Variants in ARRB1 observed in about 807,000 individuals in gnomAD.
ARRB1 encodes beta-arrestin-1.
Under a neutral mutation model 56.8 loss-of-function variants are expected in ARRB1, and 21 were observed. The observed-to-expected ratio is 0.37, with a 90% CI of 0.26 to 0.53. The LOEUF (loss-of-function observed/expected upper bound fraction) is 0.53, where lower values mean the gene tolerates loss of function less well. Ranked by LOEUF, ARRB1 falls within the 20% of genes least tolerant of loss-of-function variation. The pLI, the probability that ARRB1 is intolerant of heterozygous loss-of-function variation, is 0.88. For missense variants in ARRB1, 424 were observed against 553.7 expected (o/e 0.77, Z 2.35); for synonymous variants, 210 against 218.6 (o/e 0.96, Z 0.35).
intron 1 of ARRB1, among the ~76,000 whole-genome samples, chr11:75,348,809 C>T (rs1278228058): frequency 3.3e-5 from 5 of 152,052 alleles, no homozygotes; most frequent in Non-Finnish European, 5.9e-5. Flanking sequence ...AGACTGGTCT[C>T]GAACTCCTGA....
chr11:75,290,093 A>T, intron 1 of ARRB1, 54 bp from the exon 2 acceptor site: 1 of 1,611,622 alleles, frequency 6.2e-7, no homozygotes, highest in Non-Finnish European at 8.5e-7. Context: ...CCCAGGGGCA[A>T]GCTCCTGCGG....
chr11:75,349,849 G>A (rs1947820781), intron 1 of ARRB1, among the ~76,000 whole-genome samples: 2 of 152,208 alleles, frequency 1.3e-5, no homozygotes, highest in Non-Finnish European at 2.9e-5. Flanking sequence ...CCCAAAGCCT[G>A]GGCCTCCAGC....
intron 1 of ARRB1, among the ~76,000 whole-genome samples, chr11:75,335,709 T>C (rs546218843): frequency 6.6e-6 from 1 of 152,284 alleles, no homozygotes; most frequent in South Asian, 2.1e-4. Flanking sequence ...AAGAGGAGCC[T>C]TCCATGCCTG....
chr11:75,264,791 T>C lies in ARRB1; in HGVS notation c.*1372A>G, dbSNP rs1416951723. On this transcript the variant is annotated 3_prime_UTR_variant, in exon 16 of 16. Coordinates refer to ENST00000420843, the MANE Select transcript of ARRB1 (RefSeq NM_004041.5). ...CCAAGTGAGAAACTGAGGCCCAGAG[T>C]GGGGAAGGAACTTGCCCAAAGTCAC... 3 of 152,120 alleles carry C rather than the reference T, an allele frequency of 2.0e-5. No individual in the cohort carries two copies. The highest frequency in any genetic ancestry group is 4.4e-5 in the Non-Finnish European group (3 of 68,068). 9.4% of individuals were successfully genotyped at this position (152,120 alleles called of 1,614,324 possible). A position where few individuals can be genotyped will look rare whatever the true frequency, so the allele number is the denominator to read the frequency against.
chr11:75,309,328 C>T (rs532564478), intron 1 of ARRB1, among the ~76,000 whole-genome samples: 1 of 152,260 alleles, frequency 6.6e-6, no homozygotes, highest in East Asian at 1.9e-4. Flanking sequence ...TGGTGGGAAT[C>T]ATTCATTTGA....
At chr11:75,340,153 T>A (rs1347504741) in intron 1 of ARRB1, among the ~76,000 whole-genome samples, 14 of 152,258 alleles carry the variant, frequency 9.2e-5, no homozygotes, top group African/African-American at 2.9e-4. Context: ...AGCTATTTGT[T>A]CCTCTGGCTG....
intron 1 of ARRB1, among the ~76,000 whole-genome samples, chr11:75,318,032 C>G (rs778121811): frequency 6.6e-6 from 1 of 151,978 alleles, no homozygotes; most frequent in Non-Finnish European, 1.5e-5. Context: ...GGGTCTCACA[C>G]TTGAGCTGGG....
intron 1 of ARRB1, among the ~76,000 whole-genome samples, chr11:75,294,332 G>C (rs1591934052): frequency 6.6e-6 from 1 of 152,182 alleles, no homozygotes; most frequent in Non-Finnish European, 1.5e-5. Context: ...CGAGGTGGGA[G>C]GATCACTTGA....
intron 12 of ARRB1, among the ~76,000 whole-genome samples, chr11:75,272,353 C>G (rs765298966): frequency 2.0e-5 from 3 of 152,206 alleles, no homozygotes; most frequent in Non-Finnish European, 4.4e-5. Flanking sequence ...TCTGGTCCAC[C>G]ACTATGACCT....
chr11:75,290,606 G>A (rs1946587186), intron 1 of ARRB1, among the ~76,000 whole-genome samples: 1 of 151,898 alleles, frequency 6.6e-6, no homozygotes, highest in Non-Finnish European at 1.5e-5. Flanking sequence ...TTGAGACAAG[G>A]TTTCACTCTG....
intron 11 of ARRB1, 45 bp downstream of exon 11, chr11:75,274,029 G>A: frequency 6.2e-7 from 1 of 1,613,350 alleles, no homozygotes. Flanking sequence ...GGCCCCATCA[G>A]GCAAGATGCA....
chr11:75,343,812 A>T (rs975991799), intron 1 of ARRB1, among the ~76,000 whole-genome samples: 9 of 146,058 alleles, frequency 6.2e-5, no homozygotes, highest in East Asian at 4.0e-4. Flanking sequence ...TGACCTGAGT[A>T]TTTTTTTTTT....
At chr11:75,339,454 C>T (rs1370220937) in intron 1 of ARRB1, among the ~76,000 whole-genome samples, 1 of 152,232 alleles carries the variant, frequency 6.6e-6, no homozygotes, top group African/African-American at 2.4e-5. Context: ...GCAGATGAAA[C>T]CAGTGCCTGA....
Position 75,270,437 on chromosome 11 carries a change from G to A in ARRB1, c.1022+1264C>T, listed in dbSNP as rs1946051723. 2.0e-5 allele frequency among the ~76,000 whole-genome samples: 3 copies of A among 152,198 alleles called. No homozygotes were observed. In the South Asian group the frequency reaches 6.2e-4, roughly 32 times the overall value. On this transcript the variant is annotated intron_variant, in intron 13 of 15. Coordinates refer to ENST00000420843, the MANE Select transcript of ARRB1 (RefSeq NM_004041.5). ...GAGGTCAGGAGTTTAAGACCAGCCT[G>A]GCCAAGATAGTGAAATCCTGCCTCT...
chr11:75,331,960 G>T (rs1278838324), intron 1 of ARRB1, among the ~76,000 whole-genome samples: 2 of 152,060 alleles, frequency 1.3e-5, no homozygotes, highest in African/African-American at 4.8e-5. Flanking sequence ...GCCGGTTCCT[G>T]CCTTAACTGA....
chr11:75,314,251 C>A (rs571414049), intron 1 of ARRB1, among the ~76,000 whole-genome samples: 38 of 152,370 alleles, frequency 2.5e-4, no homozygotes, highest in African/African-American at 9.1e-4. Context: ...CAGGGGTCAG[C>A]CCACAATGGC....
intron 1 of ARRB1, among the ~76,000 whole-genome samples, chr11:75,296,675 A>AT (rs923139727): frequency 2.6e-5 from 4 of 151,710 alleles, no homozygotes; most frequent in Non-Finnish European, 4.4e-5. Flanking sequence ...TAAACAAGGA[A>AT]TTTTTTTTCC....
chr11:75,300,951 G>C lies in ARRB1; in HGVS notation c.21-10912C>G, dbSNP rs1416202676. Among the ~76,000 whole-genome samples, 66 of 136,880 alleles carry C rather than the reference G, an allele frequency of 4.8e-4. 1 individual carries two copies. The highest frequency in any genetic ancestry group is 1.2e-3 in the African/African-American group (40 of 33,184). The allele number at this position is 136,880 out of a possible 152,430, so 89.8% of individuals were successfully genotyped here. A position where few individuals can be genotyped will look rare whatever the true frequency, so the allele number is the denominator to read the frequency against. The stretch of plus-strand genomic sequence containing the variant: ...CCACTGCACTCCAGCCTGGGCGACA[G>C]AGCGAGACTCCGTCTCAAAAAAAAA... On this transcript the variant is annotated intron_variant, in intron 1 of 15. Transcript: ENST00000420843.
chr11:75,332,100 CA>C (rs35479079), intron 1 of ARRB1, among the ~76,000 whole-genome samples: 104,651 of 151,494 alleles, frequency 0.69, 37,113 homozygotes, highest in African/African-American at 0.86. Flanking sequence ...ACTACCTACC[CA>C]AAATCCTGTA....
Sources: allele counts gnomAD v4.1 joint callset (sites outside exome capture counted in the v4.1 genomes callset), GRCh38; gene constraint gnomAD v4.1.1; transcripts MANE v1.5; gene names NCBI Gene and HGNC (gene_info 2026-07-23, HGNC 2026-07-21).